Variants in CDKN3 observed in about 807,000 individuals in gnomAD.
The protein encoded by CDKN3 is cyclin dependent kinase inhibitor 3.
Under a neutral mutation model 36.1 loss-of-function variants are expected in CDKN3, and 19 were observed. The ratio of observed to expected loss-of-function variants is 0.53; its 90% CI spans 0.37 to 0.77. The LOEUF (loss-of-function observed/expected upper bound fraction) is 0.77. Among genes scored for constraint, CDKN3 ranks in the 30% least tolerant of loss-of-function variants. The pLI, the probability that CDKN3 is intolerant of heterozygous loss-of-function variation, is 0.00. For missense variants in CDKN3, 188 were observed against 248.6 expected (o/e 0.76, Z 1.64); for synonymous variants, 71 against 85.3 (o/e 0.83, Z 0.92).
chr14:54,402,926 T>C (rs1311924241), intron 3 of CDKN3, among the ~76,000 whole-genome samples: 1 of 152,168 alleles, frequency 6.6e-6, no homozygotes, highest in Non-Finnish European at 1.5e-5. Context: ...TTTTGGCATG[T>C]GTACCATGCT....
At chr14:54,413,169 TCTTCCTCTATGGAAAAAGCA>T (rs2030417929) in intron 5 of CDKN3, among the ~76,000 whole-genome samples, 1 of 152,210 alleles carries the variant, frequency 6.6e-6, no homozygotes, top group Non-Finnish European at 1.5e-5. Flanking sequence ...TTGTTTCCCA[TCTTCCTCTATGGAAAAAGCA>T]TAGTCACTTA....
intron 2 of CDKN3, among the ~76,000 whole-genome samples, chr14:54,400,237 T>TAGA (rs1555361417): frequency 7.0e-6 from 1 of 142,332 alleles, no homozygotes; most frequent in South Asian, 2.2e-4. Context: ...ATTTACTCTT[T>TAGA]ATAAGACCCT....
intron 1 of CDKN3, among the ~76,000 whole-genome samples, chr14:54,398,209 A>G (rs1886375745): frequency 6.6e-6 from 1 of 152,262 alleles, no homozygotes; most frequent in African/African-American, 2.4e-5. Flanking sequence ...AGACCGTTGT[A>G]GAATATAGCT....
intron 6 of CDKN3, 149 bp from the exon 7 acceptor site, chr14:54,417,699 A>G (rs1334305075): frequency 1.2e-5 from 6 of 493,034 alleles, no homozygotes; most frequent in African/African-American, 1.2e-4. Context: ...TTAACTGTCA[A>G]AAACACACAC....
At position 54,420,056 on chromosome 14, in the gene CDKN3, A is replaced by C. The variant is rs752247489; in HGVS notation, c.617A>C (p.Gln206Pro). The change falls in exon 8 of 8, where the codon CAA becomes CCA. Residue 206 changes from glutamine (Q) to proline (P), a missense_variant. By Grantham distance (76) the Gln-to-Pro change is moderately conservative. Transcript: ENST00000335183. ...GCACATCTATCATCAAGAGATTCAC[A>C]ATCAAGATCTGTATCAAGATAAAGG... ...LAAHLSSRDS[Q>P]SRSVSR 4 of 1,601,202 alleles carry C rather than the reference A, an allele frequency of 2.5e-6. No homozygotes were observed. The highest frequency in any genetic ancestry group is 1.3e-5 in the African/African-American group (1 of 74,656).
chr14:54,398,863 T>C (rs1320460214), intron 1 of CDKN3, among the ~76,000 whole-genome samples: 1 of 152,196 alleles, frequency 6.6e-6, no homozygotes, highest in African/African-American at 2.4e-5. Flanking sequence ...CATGTGGGGA[T>C]GTTTTTTGAG....
At chr14:54,412,259 C>T (rs2030384765) in intron 5 of CDKN3, among the ~76,000 whole-genome samples, 1 of 151,974 alleles carries the variant, frequency 6.6e-6, no homozygotes, top group African/African-American at 2.4e-5. Context: ...GTGGTACGTG[C>T]CTGTAGTCCC....
intron 3 of CDKN3, among the ~76,000 whole-genome samples, chr14:54,405,342 G>A (rs748398878): frequency 5.9e-5 from 9 of 152,198 alleles, no homozygotes; most frequent in Non-Finnish European, 1.3e-4. Context: ...GAGTTCTGTA[G>A]ATGTCAATTA....
At chr14:54,402,399 TG>T (rs1283130950) in intron 3 of CDKN3, among the ~76,000 whole-genome samples, 8 of 152,102 alleles carry the variant, frequency 5.3e-5, no homozygotes, top group Admixed American at 2.0e-4. Flanking sequence ...TGGGGATGTT[TG>T]TTTTTTTCTT....
intron 1 of CDKN3, among the ~76,000 whole-genome samples, chr14:54,399,394 G>A (rs552812520): frequency 1.6e-3 from 251 of 152,292 alleles, no homozygotes; most frequent in Non-Finnish European, 3.2e-3. Context: ...CTGTTCCACA[G>A]TGTATAGTTC....
intron 5 of CDKN3, among the ~76,000 whole-genome samples, chr14:54,414,539 T>A (rs1244671191): frequency 6.6e-6 from 1 of 151,116 alleles, no homozygotes; most frequent in African/African-American, 2.5e-5. Flanking sequence ...TGTTCTATCT[T>A]GATCTTTTTT....
chr14:54,412,862 G>A (rs1423369186), intron 5 of CDKN3: 13 of 516,952 alleles, frequency 2.5e-5, no homozygotes, highest in East Asian at 5.5e-5. Flanking sequence ...AATAGTTTAC[G>A]ACCTCAAAAG....
intron 3 of CDKN3, among the ~76,000 whole-genome samples, chr14:54,407,980 C>T (rs532627312): frequency 5.9e-5 from 9 of 152,280 alleles, no homozygotes; most frequent in African/African-American, 1.9e-4. Context: ...CCATCTTGCC[C>T]GGGAATCCCA....
At chr14:54,408,680 T>G in intron 3 of CDKN3, 65 bp from the exon 4 acceptor site, 1 of 1,509,738 alleles carries the variant, frequency 6.6e-7, no homozygotes, top group Non-Finnish European at 8.9e-7. Context: ...TATATAAGTG[T>G]TTAAACATAC....
intron 3 of CDKN3, among the ~76,000 whole-genome samples, chr14:54,406,336 G>A (rs1428150534): frequency 6.6e-6 from 1 of 152,098 alleles, no homozygotes; most frequent in Non-Finnish European, 1.5e-5. Flanking sequence ...CTCTTCTCGT[G>A]GAGTATCTTT....
rs552393486 is a variant in CDKN3 at position 54,417,931 on chromosome 14, G to C, written c.532G>C (p.Gly178Arg). ...CAGCCTGCGAGACCTAAGAGGATCC[G>C]GGGCAATACAGACCATCAAGGTGAG... The part of the protein sequence containing the change: ...IDSLRDLRGS[G>R]AIQTIKQYNY... Residue 178 changes from glycine (G) to arginine (R), a missense_variant, in exon 7 of 8, where the codon GGG becomes CGG. Gly to Arg is a moderately radical substitution (Grantham distance 125). Coordinates refer to ENST00000335183, the MANE Select transcript of CDKN3 (RefSeq NM_005192.4). 22 of 1,588,512 alleles carry C rather than the reference G, an allele frequency of 1.4e-5. 1 individual carries two copies. The South Asian group carries it at 2.4e-4, about 17-fold the overall frequency.
rs753263588 is a variant in CDKN3, at chr14:54,408,742, T to A, written c.149-3T>A. The A allele has an allele frequency of 1.3e-6, 2 of 1,577,170 alleles. No homozygotes were observed. The highest frequency in any genetic ancestry group is 1.7e-6 in the Non-Finnish European group (2 of 1,166,740). The stretch of plus-strand genomic sequence containing the variant: ...TTTTTACTTGCTTTATTATTACTTA[T>A]AGGTTGTAAATTTAAAGATGTTAGA... On this transcript the variant is annotated splice_region_variant and splice_polypyrimidine_tract_variant and intron_variant, in intron 3 of 7. Coordinates refer to ENST00000335183, the MANE Select transcript of CDKN3 (RefSeq NM_005192.4).
intron 5 of CDKN3, among the ~76,000 whole-genome samples, chr14:54,412,222 A>G (rs1248995430): frequency 6.6e-6 from 1 of 152,036 alleles, no homozygotes; most frequent in African/African-American, 2.4e-5. Context: ...CTCCGCAAAA[A>G]GTATACAAAA....
chr14:54,413,698 C>CAA lies in CDKN3; in HGVS notation c.416+1992_416+1993insAA. On this transcript the variant is annotated intron_variant, in intron 5 of 7. Transcript: ENST00000335183. ...ACTTCTAGACAGCTATAGAGCTTAT[C>CAA]CTTCAGCAACAGGATCTGGTAAACC... 3.3e-6 allele frequency: 5 copies of CAA among 1,534,390 alleles called. No individual in the cohort carries two copies. The East Asian group carries it at 1.2e-4, about 38-fold the overall frequency.
Sources: allele counts gnomAD v4.1 joint callset (sites outside exome capture counted in the v4.1 genomes callset), GRCh38; gene constraint gnomAD v4.1.1; transcripts MANE v1.5; gene names NCBI Gene and HGNC (gene_info 2026-07-23, HGNC 2026-07-21).